The following HELZ variants were observed in gnomAD, a reference collection of about 807,000 sequenced individuals.
HELZ encodes helicase with zinc finger, also known as ATP-dependent RNA helicase with zinc finger domain.
A neutral mutation model predicts 218.2 loss-of-function variants in HELZ; 23 were observed. The ratio of observed to expected loss-of-function variants is 0.11; its 90% confidence interval spans 0.08 to 0.15. The LOEUF is 0.15. Ranked by LOEUF, HELZ falls within the 10% of genes least tolerant of loss-of-function variation. The pLI is 1.00. For missense variants in HELZ, 1,813 were observed against 2,353.7 expected (o/e 0.77, Z 4.75); for synonymous variants, 814 against 829.4 (o/e 0.98, Z 0.32).
At chr17:67,146,849 C>T (rs1418545173) in intron 20 of HELZ, among the ~76,000 whole-genome samples, 1 of 152,050 alleles carries the variant, frequency 6.6e-6, no homozygotes, top group Non-Finnish European at 1.5e-5. Context: ...AGTTTCTGGT[C>T]AGGGTAGTGA....
At chr17:67,078,706 C>T (rs1598165510) in intron 32 of HELZ, 120 bp from the exon 33 acceptor site, 2 of 558,860 alleles carry the variant, frequency 3.6e-6, no homozygotes, top group East Asian at 6.2e-5. Context: ...AGTATAGCCA[C>T]AAGGACAGAC....
rs747852600 is a variant in HELZ at position 67,109,520 on chromosome 17, G to A, written c.4085C>T (p.Pro1362Leu). The A allele has an allele frequency of 1.2e-6, 2 of 1,614,042 alleles. No homozygotes were observed. The highest frequency in any genetic ancestry group is 3.3e-5 in the Admixed American group (2 of 59,992). ...QYAIPNRHFH[P>L]LPQLPRPPFP... ...GGGTGGTCTTGGTAGCTGGGGAAGGGGATGAAAGTGGCGATTAGGGATTGC... is the reference window on the plus strand; with the variant it reads ...GGGTGGTCTTGGTAGCTGGGGAAGGAGATGAAAGTGGCGATTAGGGATTGC... Residue 1362 changes from proline to leucine, a missense_variant, in exon 29 of 33, where the codon CCC becomes CTC. Pro to Leu is a moderately conservative substitution (Grantham distance 98). Around this residue, in one of 4 missense-constraint regions of HELZ, gnomAD observed 938 missense variants for 1,027.5 expected, o/e 0.91. Transcript: ENST00000358691.
At chr17:67,087,145 C>T in intron 31 of HELZ, 64 bp from the exon 32 acceptor site, 1 of 1,444,474 alleles carries the variant, frequency 6.9e-7, no homozygotes, top group Admixed American at 1.8e-5. Flanking sequence ...TCTCTCTTTT[C>T]ACTCCATAGC....
At chr17:67,099,991 T>C (rs1462603755) in intron 31 of HELZ, among the ~76,000 whole-genome samples, 1 of 152,210 alleles carries the variant, frequency 6.6e-6, no homozygotes. Flanking sequence ...TTAGATATCA[T>C]ACATTAATGA....
intron 32 of HELZ, among the ~76,000 whole-genome samples, chr17:67,086,357 G>A (rs1371395604): frequency 6.6e-6 from 1 of 151,766 alleles, no homozygotes; most frequent in Non-Finnish European, 1.5e-5. Context: ...GGTCGAGGCG[G>A]GTCGATCACC....
In HELZ at chr17:67,078,305, G is replaced by C. The variant is rs2036076679; in HGVS notation, c.5776C>G (p.Leu1926Val). 1 of 1,614,084 alleles carries C rather than the reference G, an allele frequency of 6.2e-7. No individual in the cohort carries two copies. The highest frequency in any genetic ancestry group is 8.5e-7 in the Non-Finnish European group (1 of 1,179,984). ...SSDPLSLFQE[L>V]SLGSSSGSNG... is the part of the protein sequence containing the mutation. Reference sequence around the variant, plus strand: ...CTGCCAGATGAGCTCCCTAGGCTCAGTTCCTGGAAGAGAGACAGAGGGTCG... The same window carrying C: ...CTGCCAGATGAGCTCCCTAGGCTCACTTCCTGGAAGAGAGACAGAGGGTCG... The change falls in exon 33 of 33, where the codon CTG becomes GTG. Residue 1926 changes from leucine to valine, a missense_variant. Around this residue, in one of 4 missense-constraint regions of HELZ, gnomAD observed 938 missense variants for 1,027.5 expected, o/e 0.91. Transcript: ENST00000358691.
Position 67,188,336 on chromosome 17 carries a change from T to G in HELZ, c.1145A>C (p.Asp382Ala). 6.2e-7 allele frequency: 1 copy of G among 1,610,066 alleles called. No individual in the cohort carries two copies. The highest frequency in any genetic ancestry group is 8.5e-7 in the Non-Finnish European group (1 of 1,176,806). Residue 382 changes from aspartate (D) to alanine (A), a missense_variant, in exon 12 of 33, where the codon GAT becomes GCT. Around this residue, in one of 4 missense-constraint regions of HELZ, gnomAD observed 714 missense variants for 1,029.2 expected, o/e 0.69. Transcript: ENST00000358691. The surrounding 1 kb of genome is among the most constrained non-coding windows in gnomAD (Gnocchi z 4.1). ...EPVLMQRVMIDAASTEDLEYL... is the reference protein window; with the variant it reads ...EPVLMQRVMIAAASTEDLEYL... The stretch of plus-strand genomic sequence containing the variant: ...AATATTACCTTCTGTAGAAGCTGCA[T>G]CAATCATTACTCTTTGCATGAGTAC...
intron 31 of HELZ, among the ~76,000 whole-genome samples, chr17:67,106,469 A>G (rs927020801): frequency 2.0e-5 from 3 of 151,518 alleles, no homozygotes; most frequent in Admixed American, 6.6e-5. Context: ...CACCACGCCC[A>G]GCTAATTTTT....
At chr17:67,131,319 C>T (rs1453714517) in intron 23 of HELZ, among the ~76,000 whole-genome samples, 1 of 152,198 alleles carries the variant, frequency 6.6e-6, no homozygotes, top group Non-Finnish European at 1.5e-5. Flanking sequence ...ATCACCCTCA[C>T]TGACCTTGAC....
At chr17:67,198,305 A>T (rs991633065) in intron 7 of HELZ, among the ~76,000 whole-genome samples, 1 of 152,260 alleles carries the variant, frequency 6.6e-6, no homozygotes, top group Non-Finnish European at 1.5e-5. Flanking sequence ...TGTAAGAATC[A>T]GTGACGACCC....
intron 31 of HELZ, among the ~76,000 whole-genome samples, chr17:67,094,309 G>A (rs1407162503): frequency 6.7e-6 from 1 of 149,250 alleles, no homozygotes; most frequent in Non-Finnish European, 1.5e-5. Flanking sequence ...GTGACAGAGG[G>A]AGACCTGGTC....
chr17:67,158,328 T>G (rs780535946), intron 17 of HELZ, among the ~76,000 whole-genome samples: 2 of 152,190 alleles, frequency 1.3e-5, no homozygotes, highest in Non-Finnish European at 2.9e-5. Context: ...CTGGGACAAT[T>G]CAGATAAAGC....
chr17:67,142,845 C>G (rs1014675517), intron 21 of HELZ, among the ~76,000 whole-genome samples: 2 of 152,162 alleles, frequency 1.3e-5, no homozygotes, highest in Admixed American at 1.3e-4. Flanking sequence ...CAACCTCCCC[C>G]TCCCAGGTTC....
chr17:67,222,382 A>C (rs1160943178), intron 3 of HELZ, among the ~76,000 whole-genome samples: 1 of 152,216 alleles, frequency 6.6e-6, no homozygotes, highest in African/African-American at 2.4e-5. Flanking sequence ...AAAGATTAAT[A>C]TCAACAATGA....
chr17:67,100,763 AT>A (rs1477430844), intron 31 of HELZ, among the ~76,000 whole-genome samples: 1 of 152,144 alleles, frequency 6.6e-6, no homozygotes, highest in Non-Finnish European at 1.5e-5. Context: ...GATGCTACAG[AT>A]TTTTGAAGAG....
At chr17:67,088,546 G>A (rs1353070312) in intron 31 of HELZ, among the ~76,000 whole-genome samples, 1 of 152,238 alleles carries the variant, frequency 6.6e-6, no homozygotes, top group Non-Finnish European at 1.5e-5. Context: ...GGTCTGGACT[G>A]GCTGCCCTTG....
intron 14 of HELZ, 44 bp from the exon 15 acceptor site, chr17:67,166,652 C>A: frequency 6.3e-7 from 1 of 1,590,600 alleles, no homozygotes; most frequent in Non-Finnish European, 8.6e-7. Flanking sequence ...TGAAAGCAAA[C>A]ATCAATGCTG....
chr17:67,240,302 TAG>T (rs2041285938), intron 2 of HELZ, among the ~76,000 whole-genome samples: 2 of 152,178 alleles, frequency 1.3e-5, no homozygotes, highest in African/African-American at 4.8e-5. Flanking sequence ...ATCTCAGGAA[TAG>T]AGAGGTCTTC....
chr17:67,129,001 T>A (rs761620178), intron 23 of HELZ, 146 bp from the exon 24 acceptor site: 150 of 658,152 alleles, frequency 2.3e-4, no homozygotes, highest in Non-Finnish European at 3.0e-4. Flanking sequence ...ATAAAATCTT[T>A]CTACCAGATC....
Sources: allele counts gnomAD v4.1 joint callset (sites outside exome capture counted in the v4.1 genomes callset), GRCh38; gene constraint gnomAD v4.1.1; regional missense constraint gnomAD v4.1.1; non-coding constraint Gnocchi (gnomAD v3.1); transcripts MANE v1.5; gene names NCBI Gene and HGNC (gene_info 2026-07-23, HGNC 2026-07-21).